Variants in PTPRD observed in about 807,000 individuals in gnomAD.
The protein encoded by PTPRD is receptor-type tyrosine-protein phosphatase delta.
Under a neutral mutation model 214.5 loss-of-function variants are expected in PTPRD, and 34 were observed. That is an observed-to-expected ratio of 0.16 (90% CI 0.12 to 0.21). The LOEUF is 0.21. PTPRD is among the 10% of genes least tolerant of loss of function. PTPRD has a pLI of 1.00. For missense variants in PTPRD, 2,545 were observed against 2,398.7 expected (o/e 1.06, Z -1.27); for synonymous variants, 1,128 against 845.7 (o/e 1.33, Z -5.79).
intron 8 of PTPRD, among the ~76,000 whole-genome samples, chr9:9,521,535 G>A (rs2096972332): frequency 6.6e-6 from 1 of 152,102 alleles, no homozygotes; most frequent in African/African-American, 2.4e-5. Context: ...TTGGGAAGTA[G>A]TGCTTCCTAG....
chr9:10,180,604 C>CAAAA (rs1288616582), intron 3 of PTPRD, among the ~76,000 whole-genome samples: 2 of 76,168 alleles, frequency 2.6e-5, no homozygotes, highest in African/African-American at 4.9e-5. Context: ...AGATAAAGTA[C>CAAAA]AAAAAAAAAA....
intron 14 of PTPRD, among the ~76,000 whole-genome samples, chr9:8,619,902 A>C (rs1326755844): frequency 6.6e-6 from 1 of 152,014 alleles, no homozygotes; most frequent in Non-Finnish European, 1.5e-5. Context: ...GTAAATACAG[A>C]ATAAACTTTA....
At chr9:8,551,986 T>C in intron 14 of PTPRD, among the ~76,000 whole-genome samples, 1 of 152,210 alleles carries the variant, frequency 6.6e-6, no homozygotes, top group South Asian at 2.1e-4. Flanking sequence ...CTGGCTGTAC[T>C]TCAATTGTAG....
At chr9:8,382,781 C>A (rs1326775124) in intron 37 of PTPRD, among the ~76,000 whole-genome samples, 1 of 152,202 alleles carries the variant, frequency 6.6e-6, no homozygotes, top group Non-Finnish European at 1.5e-5. Flanking sequence ...ACTCCAAAGG[C>A]AATGTTTGTG....
At chr9:10,010,139 G>C (rs2154104476) in intron 4 of PTPRD, among the ~76,000 whole-genome samples, 1 of 151,846 alleles carries the variant, frequency 6.6e-6, no homozygotes, top group African/African-American at 2.4e-5. Flanking sequence ...TTTAAGTTGA[G>C]AAAACAAATT....
intron 43 of PTPRD, among the ~76,000 whole-genome samples, chr9:8,338,215 T>G (rs1201313035): frequency 6.6e-6 from 1 of 152,084 alleles, no homozygotes; most frequent in Non-Finnish European, 1.5e-5. Context: ...TGACCTGGTC[T>G]CCCTTAAGAT....
chr9:9,756,134 C>G (rs1011063875), intron 6 of PTPRD, among the ~76,000 whole-genome samples: 31 of 152,148 alleles, frequency 2.0e-4, no homozygotes, highest in African/African-American at 6.5e-4. Context: ...CCTCTCTGTT[C>G]TAATATCGAC....
chr9:9,122,516 A>T (rs756962588), intron 10 of PTPRD, among the ~76,000 whole-genome samples: 1 of 152,138 alleles, frequency 6.6e-6, no homozygotes, highest in Non-Finnish European at 1.5e-5. Flanking sequence ...TCAGATCTCC[A>T]TCTTGGGTTT....
chr9:9,552,867 G>A (rs972712556), intron 8 of PTPRD, among the ~76,000 whole-genome samples: 11 of 152,014 alleles, frequency 7.2e-5, no homozygotes, highest in African/African-American at 2.4e-4. Context: ...GTGTGCTTTC[G>A]TGTTGACAGC....
At chr9:9,563,348 CA>C (rs2083461323) in intron 8 of PTPRD, among the ~76,000 whole-genome samples, 1 of 152,102 alleles carries the variant, frequency 6.6e-6, no homozygotes, top group Non-Finnish European at 1.5e-5. Flanking sequence ...AATGCTTTGA[CA>C]ATATGATAAC....
intron 9 of PTPRD, among the ~76,000 whole-genome samples, chr9:9,275,126 TA>T (rs1944763582): frequency 1.7e-5 from 1 of 58,730 alleles, no homozygotes; most frequent in Non-Finnish European, 3.1e-5. Flanking sequence ...ATATTATATA[TA>T]TTATATATAA....
intron 10 of PTPRD, among the ~76,000 whole-genome samples, chr9:9,048,244 G>A (rs895169765): frequency 6.6e-6 from 1 of 152,078 alleles, no homozygotes; most frequent in Non-Finnish European, 1.5e-5. Flanking sequence ...GCAGTTTGGA[G>A]GTTCCTCAAA....
intron 2 of PTPRD, among the ~76,000 whole-genome samples, chr9:10,594,737 A>C (rs1247535315): frequency 6.6e-6 from 1 of 151,976 alleles, no homozygotes; most frequent in Non-Finnish European, 1.5e-5. Flanking sequence ...CTGTCTAATG[A>C]GGTGTCACAA....
chr9:9,128,988 C>G (rs989588972), intron 10 of PTPRD, among the ~76,000 whole-genome samples: 1 of 152,190 alleles, frequency 6.6e-6, no homozygotes, highest in African/African-American at 2.4e-5. Flanking sequence ...ATAGAAGATT[C>G]TATTTGGGAA....
At chr9:9,543,276 G>A (rs1384540331) in intron 8 of PTPRD, among the ~76,000 whole-genome samples, 1 of 151,616 alleles carries the variant, frequency 6.6e-6, no homozygotes, top group Non-Finnish European at 1.5e-5. Context: ...ATGCTATTCA[G>A]AAAATGTTGC....
At chr9:8,931,207 G>A (rs138918270) in intron 11 of PTPRD, among the ~76,000 whole-genome samples, 3 of 151,686 alleles carry the variant, frequency 2.0e-5, no homozygotes, top group East Asian at 1.9e-4. Flanking sequence ...AGCACCATTT[G>A]TTAAATAGGG....
At chr9:8,333,273 A>G (rs1843259907) in intron 43 of PTPRD, among the ~76,000 whole-genome samples, 1 of 152,130 alleles carries the variant, frequency 6.6e-6, no homozygotes, top group African/African-American at 2.4e-5. Flanking sequence ...GGTAATACAG[A>G]TTTATTCTCC....
chr9:8,356,784 G>GA (rs540386212), intron 39 of PTPRD, among the ~76,000 whole-genome samples: 1 of 151,892 alleles, frequency 6.6e-6, no homozygotes, highest in Non-Finnish European at 1.5e-5. Flanking sequence ...ACACAGGCAG[G>GA]AAAAAAATAA....
chr9:10,335,429 C>T (rs189288646), intron 3 of PTPRD, among the ~76,000 whole-genome samples: 1 of 151,734 alleles, frequency 6.6e-6, no homozygotes, highest in East Asian at 1.9e-4. Context: ...AATCTTGCAC[C>T]CTTAACAAAA....
Sources: allele counts gnomAD v4.1 joint callset (sites outside exome capture counted in the v4.1 genomes callset), GRCh38; gene constraint gnomAD v4.1.1; transcripts MANE v1.5; gene names NCBI Gene and HGNC (gene_info 2026-07-23, HGNC 2026-07-21).